Variants in UTY observed in about 807,000 individuals in gnomAD.
The protein encoded by UTY is histone demethylase UTY.
A neutral mutation model predicts 32.5 loss-of-function variants in UTY; 12 were observed. The ratio of observed to expected loss-of-function variants is 0.37; its 90% CI spans 0.24 to 0.60. The LOEUF is 0.60. Among genes scored for constraint, UTY ranks in the 20% least tolerant of loss-of-function variants. The pLI is 0.69. For synonymous variants in UTY, 131 were observed against 103.4 expected (o/e 1.27, Z -1.62); for missense variants, 303 against 299.2 (o/e 1.01, Z -0.09).
At chrY:13,278,725 T>C (rs2056835768) in intron 27 of UTY, among the ~76,000 whole-genome samples, 1 of 33,411 alleles carries the variant, frequency 3.0e-5, no homozygotes, top group African/African-American at 1.2e-4. Context: ...TCATACTCAG[T>C]AGAAGAGAGC....
At chrY:13,367,363 T>C in intron 9 of UTY, among the ~76,000 whole-genome samples, 3 of 32,832 alleles carry the variant, frequency 9.1e-5, no homozygotes. Context: ...GAAAACTAGG[T>C]TCAAAGAGCC....
intron 8 of UTY, among the ~76,000 whole-genome samples, chrY:13,374,079 CTTTTTA>C (rs2065178458): frequency 8.9e-5 from 3 of 33,611 alleles, no homozygotes; most frequent in South Asian, 1.3e-3. Context: ...TTCTGCCTGG[CTTTTTA>C]TTTTTATTTT....
At chrY:13,273,553 G>A in intron 27 of UTY, among the ~76,000 whole-genome samples, 1 of 33,267 alleles carries the variant, frequency 3.0e-5, no homozygotes, top group Non-Finnish European at 7.4e-5. Context: ...TACATTTCAA[G>A]TATCTGAAAC....
chrY:13,329,337 T>A (rs2060499435), intron 18 of UTY, among the ~76,000 whole-genome samples: 1 of 33,942 alleles, frequency 2.9e-5, no homozygotes, highest in Non-Finnish European at 7.3e-5. Context: ...TTGCATCTAA[T>A]TTCAGAAAGC....
rs1603461922 is a variant in UTY at position 13,435,589 on chromosome Y, C to T, written c.375+13428G>A. ...GGTCGGCAGCCATTTTGGGCGTGAG[C>T]CTACTGGCTCAGGTGCCTCAATTAA... On this transcript the variant is annotated intron_variant, in intron 4 of 29. Transcript: ENST00000545955. Among the ~76,000 whole-genome samples, 3 of 34,388 alleles carry T rather than the reference C, an allele frequency of 8.7e-5. No individual in the cohort carries two copies. In the East Asian group the frequency reaches 2.3e-3, roughly 26 times the overall value. The allele number at this position is 34,388 out of a possible 37,273, so 92.3% of individuals were successfully genotyped here.
intron 2 of UTY, 49 bp from the exon 3 acceptor site, chrY:13,470,278 A>T (rs760932290): frequency 1.3e-4 from 35 of 264,276 alleles, no homozygotes; most frequent in Non-Finnish European, 2.0e-4. Flanking sequence ...TCCTTCCTGG[A>T]AGAATACATA....
intron 6 of UTY, among the ~76,000 whole-genome samples, chrY:13,405,909 T>C: frequency 3.1e-5 from 1 of 32,738 alleles, no homozygotes; most frequent in Admixed American, 2.8e-4. Context: ...AATAACTCTA[T>C]TTCATGACTT....
downstream of UTY, among the ~76,000 whole-genome samples, chrY:13,233,988 G>T (rs769917103): frequency 2.9e-5 from 1 of 34,204 alleles, no homozygotes; most frequent in African/African-American, 1.1e-4. Flanking sequence ...GGGACCTGTT[G>T]TTTCAGGAAC....
Position 13,250,271 on chromosome Y carries a change from G to A in UTY, c.4309-389C>T, listed in dbSNP as rs200873959. 1.8e-3 allele frequency among the ~76,000 whole-genome samples: 62 copies of A among 33,624 alleles called. No individual in the cohort carries two copies. The East Asian group carries it at 0.047, about 25-fold the overall frequency. The allele number at this position is 33,624 out of a possible 37,273, so 90.2% of individuals were successfully genotyped here. On this transcript the variant is annotated intron_variant, in intron 29 of 29. Transcript: ENST00000545955. ...TGACCTCAGGTGATCTGCCCGCCTTGGACTCCCAAAGTGCTGGGATTACAG... is the reference window on the plus strand; with the variant it reads ...TGACCTCAGGTGATCTGCCCGCCTTAGACTCCCAAAGTGCTGGGATTACAG...
In UTY at chrY:13,479,263, T is replaced by G. The variant is rs1298345154; in HGVS notation, c.207A>C (p.Leu69=). 2.5e-6 allele frequency: 1 copy of G among 396,312 alleles called. No homozygotes were observed. The highest frequency in any genetic ancestry group is 3.5e-6 in the Non-Finnish European group (1 of 282,961). The change falls in exon 2 of 30, where the codon CTA becomes CTC. Residue 69 remains leucine (L), a synonymous_variant. Transcript: ENST00000545955. ...GTCTGGTTGCTTTTACCTTGCCTAGTAGGGTCTTCGTTCTGGCGCCATCTT... is the reference window on the plus strand; with the variant it reads ...GTCTGGTTGCTTTTACCTTGCCTAGGAGGGTCTTCGTTCTGGCGCCATCTT... ...LHEDGARTKT[L]LGKAVRCYES...
At chrY:13,279,039 T>C in intron 27 of UTY, among the ~76,000 whole-genome samples, 1 of 33,738 alleles carries the variant, frequency 3.0e-5, no homozygotes, top group South Asian at 6.6e-4. Context: ...AGTCTCAGCA[T>C]GGTGAAAGTC....
chrY:13,349,553 G>A (rs2062185638), intron 17 of UTY, among the ~76,000 whole-genome samples: 1 of 32,719 alleles, frequency 3.1e-5, no homozygotes, highest in East Asian at 8.2e-4. Flanking sequence ...CCTGGCTGCT[G>A]CCTCCTTTGT....
At chrY:13,445,744 G>A in intron 4 of UTY, among the ~76,000 whole-genome samples, 1 of 32,265 alleles carries the variant, frequency 3.1e-5, no homozygotes, top group Non-Finnish European at 7.6e-5. Context: ...GTTATCAGTG[G>A]TGGTAACAGC....
intron 27 of UTY, among the ~76,000 whole-genome samples, chrY:13,276,726 A>C (rs561701720): frequency 4.6e-4 from 14 of 30,664 alleles, no homozygotes; most frequent in South Asian, 1.5e-3. Flanking sequence ...GTCTCAAAAA[A>C]CCCCCCCCAA....
intron 27 of UTY, chrY:13,286,588 C>T: frequency 1.1e-5 from 4 of 370,443 alleles, no homozygotes; most frequent in Non-Finnish European, 1.5e-5. Context: ...GTGCCTGGTG[C>T]GGGAGCTATG....
intron 27 of UTY, chrY:13,287,083 C>T: frequency 8.5e-6 from 3 of 351,276 alleles, no homozygotes; most frequent in Non-Finnish European, 1.2e-5. Flanking sequence ...GAGCAAGGCC[C>T]TCAGGTATGT....
chrY:13,359,633 A>T, intron 12 of UTY, 134 bp downstream of exon 12: 1 of 165,004 alleles, frequency 6.1e-6, no homozygotes, highest in Non-Finnish European at 1.1e-5. Flanking sequence ...GAAAAATAAT[A>T]CCACAAAATA....
chrY:13,366,871 C>T (rs1603441749), intron 9 of UTY, among the ~76,000 whole-genome samples: 2 of 34,621 alleles, frequency 5.8e-5, no homozygotes, highest in Admixed American at 2.6e-4. Flanking sequence ...GACGGAGTCT[C>T]GCTCTATCGC....
chrY:13,268,473 G>A, intron 27 of UTY, among the ~76,000 whole-genome samples: 1 of 33,181 alleles, frequency 3.0e-5, no homozygotes, highest in Admixed American at 2.7e-4. Context: ...GTTAGAATAT[G>A]CTCCTTTAGC....
Sources: gnomAD v4.1 joint callset for allele counts (sites outside exome capture counted in the v4.1 genomes callset) on GRCh38, gnomAD v4.1.1 for gene constraint, MANE v1.5 for transcripts, NCBI Gene and HGNC (gene_info 2026-07-23, HGNC 2026-07-21) for gene names.